TEX11: variants seen among roughly 807,000 people sequenced by gnomAD.
TEX11 encodes testis expressed 11, also known as testis-expressed protein 11.
A neutral mutation model predicts 84.4 loss-of-function variants in TEX11; 7 were observed. That is an observed-to-expected ratio of 0.08 (90% CI 0.05 to 0.16). The LOEUF is 0.16. Among genes scored for constraint, TEX11 ranks in the 10% least tolerant of loss-of-function variants. The pLI, the probability that TEX11 is intolerant of heterozygous loss-of-function variation, is 1.00. For missense variants in TEX11, 551 were observed against 660.5 expected (o/e 0.83, Z 1.82); for synonymous variants, 264 against 222.8 (o/e 1.18, Z -1.64).
At chrX:70,792,911 T>A (rs1267756650) in intron 9 of TEX11, among the ~76,000 whole-genome samples, 1 of 111,520 alleles carries the variant, frequency 9.0e-6, no homozygotes, top group Non-Finnish European at 1.9e-5. Flanking sequence ...TTCCAGCCAA[T>A]ATCACTGATG....
At chrX:70,757,092 C>A (rs185971611) in intron 9 of TEX11, among the ~76,000 whole-genome samples, 1 of 111,986 alleles carries the variant, frequency 8.9e-6, no homozygotes. Flanking sequence ...AAGAAACGGA[C>A]AAATTCTCCA....
chrX:70,523,090 A>G, the TEX11 span, among the ~76,000 whole-genome samples: 1 of 111,111 alleles, frequency 9.0e-6, no homozygotes, highest in Non-Finnish European at 1.9e-5. Context: ...TTAGTTTTTT[A>G]AATTAAAAAA....
At chrX:70,624,055 ATG>A in intron 19 of TEX11, 49 bp from the exon 20 acceptor site, 1 of 1,042,742 alleles carries the variant, frequency 9.6e-7, no homozygotes, top group East Asian at 3.1e-5. Context: ...AGGAAGAAAC[ATG>A]TGTGAATGAA....
At chrX:70,698,516 T>C (rs1195271853) in intron 13 of TEX11, among the ~76,000 whole-genome samples, 3 of 107,018 alleles carry the variant, frequency 2.8e-5, no homozygotes, top group African/African-American at 1.0e-4. Context: ...AATAGATAGG[T>C]TCCCCCCAGC....
Position 70,624,829 on chromosome X carries a change from G to C in TEX11, c.1694+10C>G, listed in dbSNP as rs750456317. On this transcript the variant is annotated intron_variant, in intron 19 of 29. Transcript: ENST00000374333. ...AATACTTTCTCTTCCACAGGATGTA[G>C]GTTACTTACTTTACAGCTGTAAGAA... is the stretch of plus-strand genomic sequence containing the variant. 4.2e-6 allele frequency: 5 copies of C among 1,183,717 alleles called. No individual in the cohort carries two copies. In the Admixed American group the frequency reaches 1.1e-4, roughly 26 times the overall value.
chrX:70,601,431 C>T (rs1440516030), intron 24 of TEX11, among the ~76,000 whole-genome samples: 29 of 97,414 alleles, frequency 3.0e-4, no homozygotes, highest in African/African-American at 1.1e-3. Context: ...CCGAATTCTA[C>T]CAGAGGTACA....
chrX:70,591,219 A>T (rs2088924659), intron 25 of TEX11, among the ~76,000 whole-genome samples: 1 of 111,755 alleles, frequency 8.9e-6, no homozygotes. Flanking sequence ...CTATACTTTC[A>T]TATAAAGCAA....
chrX:70,662,363 T>C (rs1418822067), intron 16 of TEX11, among the ~76,000 whole-genome samples: 2 of 111,808 alleles, frequency 1.8e-5, no homozygotes, highest in African/African-American at 6.5e-5. Flanking sequence ...TATGGGACTA[T>C]GTGAAAAGAC....
intron 7 of TEX11, among the ~76,000 whole-genome samples, chrX:70,845,282 C>T (rs1384428254): frequency 9.0e-6 from 1 of 110,511 alleles, no homozygotes; most frequent in African/African-American, 3.3e-5. Flanking sequence ...CTGCCTCAGT[C>T]TCCCAAGGAG....
chrX:70,787,875 C>A (rs1039110039), intron 9 of TEX11, among the ~76,000 whole-genome samples: 6 of 110,618 alleles, frequency 5.4e-5, no homozygotes, highest in Non-Finnish European at 1.1e-4. Context: ...TTTCTAGGCA[C>A]GATCAATGAA....
At chrX:70,845,087 T>C (rs181797632) in intron 7 of TEX11, among the ~76,000 whole-genome samples, 127 of 112,228 alleles carry the variant, frequency 1.1e-3, no homozygotes, top group African/African-American at 3.9e-3. Context: ...AACCTAAGTG[T>C]CCATCAACAG....
At chrX:70,715,198 C>G (rs1013115293) in intron 13 of TEX11, among the ~76,000 whole-genome samples, 2 of 107,846 alleles carry the variant, frequency 1.9e-5, no homozygotes, top group African/African-American at 7.3e-5. Flanking sequence ...GTGGGCAACC[C>G]GACCTTTCTC....
chrX:70,733,206 A>G (rs2090668313), intron 11 of TEX11, among the ~76,000 whole-genome samples: 1 of 112,008 alleles, frequency 8.9e-6, no homozygotes, highest in Non-Finnish European at 1.9e-5. Flanking sequence ...ACCCTAGAAG[A>G]AAACTTAGGC....
intron 25 of TEX11, among the ~76,000 whole-genome samples, chrX:70,582,665 A>G (rs1282317718): frequency 9.0e-6 from 1 of 111,301 alleles, no homozygotes; most frequent in Non-Finnish European, 1.9e-5. Context: ...TCAAAGAGCT[A>G]AAGTTCTTTA....
chrX:70,805,929 T>C (rs2091216522), intron 9 of TEX11, among the ~76,000 whole-genome samples: 1 of 111,916 alleles, frequency 8.9e-6, no homozygotes, highest in Middle Eastern at 4.6e-3. Flanking sequence ...CAAATCTTAG[T>C]ATAGTACTCA....
chrX:70,737,446 A>G (rs1442749224), intron 11 of TEX11, among the ~76,000 whole-genome samples: 4 of 111,254 alleles, frequency 3.6e-5, no homozygotes, highest in African/African-American at 1.3e-4. Context: ...CTTTTCAAAC[A>G]TAATGAAAAT....
At chrX:70,584,006 G>A (rs765101405) in intron 25 of TEX11, among the ~76,000 whole-genome samples, 26 of 111,702 alleles carry the variant, frequency 2.3e-4, no homozygotes, top group Middle Eastern at 4.6e-3. Context: ...CTGGCCGGGC[G>A]CGGTGGCTCA....
chrX:70,730,461 T>C (rs1044659159), intron 11 of TEX11, among the ~76,000 whole-genome samples: 8 of 111,607 alleles, frequency 7.2e-5, no homozygotes, highest in Non-Finnish European at 1.5e-4. Flanking sequence ...GAGGAAGATC[T>C]ACCAAGCAAA....
intron 9 of TEX11, among the ~76,000 whole-genome samples, chrX:70,763,489 TA>T (rs1332340960): frequency 9.1e-6 from 1 of 110,267 alleles, no homozygotes; most frequent in African/African-American, 3.3e-5. Flanking sequence ...ACATATTGGG[TA>T]CAGTGTACAC....
Sources: gnomAD v4.1 joint callset for allele counts (sites outside exome capture counted in the v4.1 genomes callset) on GRCh38, gnomAD v4.1.1 for gene constraint, MANE v1.5 for transcripts, NCBI Gene and HGNC (gene_info 2026-07-23, HGNC 2026-07-21) for gene names.